The following OPCML variants were observed in gnomAD, a reference collection of about 807,000 sequenced individuals.
OPCML encodes the protein opioid-binding protein/cell adhesion molecule.
A neutral mutation model predicts 37.8 loss-of-function variants in OPCML; 13 were observed. The observed-to-expected ratio is 0.34, with a 90% CI of 0.22 to 0.55. OPCML has a LOEUF of 0.55. Among genes scored for constraint, OPCML ranks in the 20% least tolerant of loss-of-function variants. OPCML has a pLI of 0.91. For missense variants in OPCML, 341 were observed against 435.6 expected, an observed-to-expected ratio of 0.78 and a Z score of 1.93; for synonymous variants, 176 against 168.8, an observed-to-expected ratio of 1.04 and a Z score of -0.33.
intron 3 of OPCML, among the ~76,000 whole-genome samples, chr11:132,603,117 G>C (rs139457318): frequency 6.6e-6 from 1 of 152,260 alleles, no homozygotes; most frequent in East Asian, 1.9e-4. Context: ...CTGGGTGCCT[G>C]AGAAATGTTG....
intron 1 of OPCML, among the ~76,000 whole-genome samples, chr11:133,458,853 G>T (rs985816293): frequency 2.0e-5 from 3 of 148,700 alleles, no homozygotes; most frequent in African/African-American, 7.7e-5. Flanking sequence ...AGATGCACGT[G>T]TGTGTGTATA....
At chr11:133,513,768 G>A (rs1402685254) in intron 1 of OPCML, among the ~76,000 whole-genome samples, 2 of 152,186 alleles carry the variant, frequency 1.3e-5, no homozygotes, top group East Asian at 3.9e-4. Flanking sequence ...AGAATTAGTT[G>A]TTGCCTATGG....
intron 1 of OPCML, among the ~76,000 whole-genome samples, chr11:133,341,063 A>C (rs2136670527): frequency 6.6e-6 from 1 of 151,942 alleles, no homozygotes; most frequent in East Asian, 1.9e-4. Flanking sequence ...GTATTTATTA[A>C]CTCATAGCTC....
intron 1 of OPCML, among the ~76,000 whole-genome samples, chr11:133,432,351 T>C (rs4531482): frequency 0.29 from 43,370 of 152,066 alleles, 8,959 homozygotes; most frequent in African/African-American, 0.58. Context: ...TTTTACTGTA[T>C]CTATTTTTTT....
At chr11:132,666,510 G>T (rs1942230203) in intron 2 of OPCML, among the ~76,000 whole-genome samples, 1 of 152,198 alleles carries the variant, frequency 6.6e-6, no homozygotes, top group Non-Finnish European at 1.5e-5. Flanking sequence ...GAGGTTTGGA[G>T]AGAACACACA....
chr11:133,389,762 G>C (rs745871274), intron 1 of OPCML, among the ~76,000 whole-genome samples: 1 of 152,104 alleles, frequency 6.6e-6, no homozygotes, highest in African/African-American at 2.4e-5. Flanking sequence ...TAGACTTCAG[G>C]CTCCATACAT....
intron 2 of OPCML, among the ~76,000 whole-genome samples, chr11:132,936,149 G>T (rs2136649836): frequency 6.6e-6 from 1 of 152,332 alleles, no homozygotes; most frequent in Admixed American, 6.5e-5. Context: ...AGACTCTAAA[G>T]ATGGGACAGC....
intron 2 of OPCML, among the ~76,000 whole-genome samples, chr11:132,845,153 G>A (rs916461902): frequency 2.6e-5 from 4 of 151,972 alleles, no homozygotes; most frequent in Non-Finnish European, 5.9e-5. Flanking sequence ...ACTCTAGCTC[G>A]TTACTTGGCA....
At chr11:132,715,385 C>A (rs1944433861) in intron 2 of OPCML, among the ~76,000 whole-genome samples, 1 of 152,192 alleles carries the variant, frequency 6.6e-6, no homozygotes, top group African/African-American at 2.4e-5. Flanking sequence ...AGAACACAGA[C>A]TCTGAAACTG....
At chr11:132,691,172 T>C (rs958090578) in intron 2 of OPCML, among the ~76,000 whole-genome samples, 1 of 152,162 alleles carries the variant, frequency 6.6e-6, no homozygotes, top group Non-Finnish European at 1.5e-5. Context: ...GTTCTTAAGA[T>C]TGCTTTATAT....
intron 4 of OPCML, among the ~76,000 whole-genome samples, chr11:132,471,588 G>T (rs1401096948): frequency 6.6e-6 from 1 of 152,192 alleles, no homozygotes; most frequent in African/African-American, 2.4e-5. Context: ...TCCTCCATCT[G>T]TGGGTGTCTC....
intron 1 of OPCML, among the ~76,000 whole-genome samples, chr11:133,203,237 A>G (rs1352697373): frequency 6.6e-6 from 1 of 152,254 alleles, no homozygotes; most frequent in African/African-American, 2.4e-5. Context: ...TCTTTGGGAT[A>G]GGTTTGCTCA....
intron 1 of OPCML, among the ~76,000 whole-genome samples, chr11:133,496,310 G>A (rs1324082822): frequency 6.6e-6 from 1 of 152,168 alleles, no homozygotes; most frequent in East Asian, 1.9e-4. Flanking sequence ...TGGCCTAATA[G>A]TACAGTTTGA....
intron 3 of OPCML, among the ~76,000 whole-genome samples, chr11:132,613,437 G>A (rs750399114): frequency 5.3e-5 from 8 of 152,132 alleles, no homozygotes; most frequent in East Asian, 1.9e-4. Flanking sequence ...ACATGCATAC[G>A]GAACAAAACA....
At chr11:132,486,782 C>A (rs2096201254) in intron 4 of OPCML, among the ~76,000 whole-genome samples, 1 of 151,810 alleles carries the variant, frequency 6.6e-6, no homozygotes, top group Non-Finnish European at 1.5e-5. Context: ...GATGGCTAGC[C>A]TAAAGTCAGC....
chr11:132,678,311 T>C (rs919227809), intron 2 of OPCML, among the ~76,000 whole-genome samples: 2 of 152,206 alleles, frequency 1.3e-5, no homozygotes, highest in Non-Finnish European at 2.9e-5. Context: ...CAAAATGATA[T>C]GGCCAATTTG....
At chr11:132,441,413 C>T (rs1248031427) in intron 4 of OPCML, among the ~76,000 whole-genome samples, 2 of 151,870 alleles carry the variant, frequency 1.3e-5, no homozygotes, top group Non-Finnish European at 2.9e-5. Context: ...CGTGATCCGC[C>T]CGCCTCGGCC....
chr11:133,136,959 T>C (rs989542414), intron 1 of OPCML, among the ~76,000 whole-genome samples: 1 of 151,966 alleles, frequency 6.6e-6, no homozygotes, highest in Non-Finnish European at 1.5e-5. Context: ...ATCAGAAGTC[T>C]ACCTTAAAAA....
chr11:133,484,196 A>C (rs1947479590), intron 1 of OPCML, among the ~76,000 whole-genome samples: 2 of 152,152 alleles, frequency 1.3e-5, no homozygotes, highest in African/African-American at 4.8e-5. Context: ...AGATAGATGT[A>C]AGAGCCTAAA....
Sources: gnomAD v4.1 joint callset for allele counts (sites outside exome capture counted in the v4.1 genomes callset) on GRCh38, gnomAD v4.1.1 for gene constraint, MANE v1.5 for transcripts, NCBI Gene and HGNC (gene_info 2026-07-23, HGNC 2026-07-21) for gene names.